Variants in PARP1 observed in about 807,000 individuals in gnomAD.
The protein encoded by PARP1 is poly(ADP-ribose) polymerase 1.
Under a neutral mutation model 118.7 loss-of-function variants are expected in PARP1, and 44 were observed. That is an observed-to-expected ratio of 0.37 (90% CI 0.29 to 0.48). The LOEUF is 0.48. Among genes scored for constraint, PARP1 ranks in the 20% least tolerant of loss-of-function variants. The pLI is 0.99. For missense variants in PARP1, 1,100 were observed against 1,272.4 expected, an observed-to-expected ratio of 0.86 and a Z score of 2.06; for synonymous variants, 492 against 483.2, an observed-to-expected ratio of 1.02 and a Z score of -0.24.
intron 1 of PARP1, 48 bp downstream of exon 1, chr1:226,407,750 CGGACACAGTTAA>C: frequency 6.5e-7 from 1 of 1,531,176 alleles, no homozygotes; most frequent in Non-Finnish European, 8.8e-7. Context: ...CCAGCCTTCC[CGGACACAGTTAA>C]CCCGGGGCGC....
At chr1:226,400,273 T>A (rs571995144) in intron 2 of PARP1, among the ~76,000 whole-genome samples, 1 of 152,160 alleles carries the variant, frequency 6.6e-6, no homozygotes, top group East Asian at 1.9e-4. Flanking sequence ...CACTCCAGCC[T>A]GGGCAACAGA....
At chr1:226,367,820 T>C (rs1055975723) in intron 16 of PARP1, among the ~76,000 whole-genome samples, 3 of 151,702 alleles carry the variant, frequency 2.0e-5, no homozygotes, top group African/African-American at 7.3e-5. Flanking sequence ...CCTGGGGGAG[T>C]TGAGAGGTGG....
Position 226,361,432 on chromosome 1 carries a change from C to A in PARP1, c.*28G>T, listed in dbSNP as rs377335474. ...TTCGGGTGAATTCATACCAGAGCCA[C>A]CGGGTGTGACTCGGCTACCTCTCCC... On this transcript the variant is annotated 3_prime_UTR_variant, in exon 23 of 23. Transcript: ENST00000366794. 160 of 1,504,690 alleles carry A rather than the reference C, an allele frequency of 1.1e-4. No homozygotes were observed. Among genetic ancestry groups the A allele is most frequent in the Non-Finnish European group, 1.1e-4 (124 of 1,081,260 alleles). The allele number at this position is 1,504,690 out of a possible 1,614,324, so 93.2% of individuals were successfully genotyped here.
chr1:226,375,560 T>C (rs1156487017), intron 13 of PARP1, among the ~76,000 whole-genome samples: 1 of 152,264 alleles, frequency 6.6e-6, no homozygotes, highest in Middle Eastern at 3.4e-3. Context: ...CAAACTGAGG[T>C]GTGCTGTAGG....
intron 14 of PARP1, 72 bp from the exon 15 acceptor site, chr1:226,370,589 C>T (rs1189729785): frequency 4.0e-6 from 5 of 1,254,998 alleles, no homozygotes; most frequent in African/African-American, 1.5e-5. Context: ...CTGGACCGGG[C>T]AGCCCACCCT....
rs1365223171 is a variant in PARP1 at position 226,368,207 on chromosome 1, T to C, written c.2269A>G (p.Ser757Gly). ...KKPPLLNNAD[S>G]VQAKVEMLDN... ...CTGAACCCTTGCGCTACCTGCACAC[T>C]GTCTGCATTGTTCAGGAGCGGAGGC... The change falls in exon 16 of 23, where the codon AGT becomes GGT. Residue 757 changes from serine to glycine, a missense_variant. Coordinates refer to ENST00000366794, the MANE Select transcript of PARP1 (RefSeq NM_001618.4). The C allele has an allele frequency of 1.2e-6, 2 of 1,614,200 alleles. No individual in the cohort carries two copies. The highest frequency in any genetic ancestry group is 1.7e-5 in the Admixed American group (1 of 60,032).
At chr1:226,364,678 C>T (rs1664216754) in intron 19 of PARP1, among the ~76,000 whole-genome samples, 1 of 152,240 alleles carries the variant, frequency 6.6e-6, no homozygotes, top group African/African-American at 2.4e-5. Context: ...AAGACACTGA[C>T]ACTCAGAGGT....
At chr1:226,401,403 T>G (rs1665033532) in intron 2 of PARP1, among the ~76,000 whole-genome samples, 1 of 152,232 alleles carries the variant, frequency 6.6e-6, no homozygotes, top group Non-Finnish European at 1.5e-5. Flanking sequence ...GAAGTCATAT[T>G]TACACCCACT....
chr1:226,407,996 G>A lies in PARP1; in HGVS notation c.-67C>T, dbSNP rs1665187184. 1 of 1,601,492 alleles carries A rather than the reference G, an allele frequency of 6.2e-7. No individual in the cohort carries two copies. On this transcript the variant is annotated 5_prime_UTR_variant, in exon 1 of 23. Transcript: ENST00000366794. ...CGACCTAGAAACACGCTGCCGCCTC[G>A]CCGCCTCGCGTGCGCTCACCCAGCC...
rs12133133 is a variant in PARP1 at position 226,395,752 on chromosome 1, A to G, written c.287-3438T>C. 3.4e-3 allele frequency among the ~76,000 whole-genome samples: 518 copies of G among 152,370 alleles called. 1 individual carries two copies. The highest frequency in any genetic ancestry group is 5.6e-3 in the Non-Finnish European group (378 of 68,042). On this transcript the variant is annotated intron_variant, in intron 2 of 22. Coordinates refer to ENST00000366794, the MANE Select transcript of PARP1 (RefSeq NM_001618.4). ...AATTAATGTTTATTATGTCTTTAAA[A>G]AGAAGGAAATTCAGACACATGCTGC...
chr1:226,397,131 C>A lies in PARP1; in HGVS notation c.287-4817G>T, dbSNP rs142409440. On this transcript the variant is annotated intron_variant, in intron 2 of 22. Coordinates refer to ENST00000366794, the MANE Select transcript of PARP1 (RefSeq NM_001618.4). ...GCCAAGCAAGATCCCTTGGGCAACA[C>A]AGTGAGACTCTGTCTCTATCTTAAA... Among the ~76,000 whole-genome samples the A allele has an allele frequency of 7.4e-3, 984 of 133,792 alleles. 14 individuals are homozygous for A. The highest frequency in any genetic ancestry group is 0.027 in the African/African-American group (935 of 35,180). 87.8% of individuals were successfully genotyped at this position (133,792 alleles called of 152,430 possible).
chr1:226,368,466 CAG>C, intron 15 of PARP1, 145 bp from the exon 16 acceptor site: 1 of 989,412 alleles, frequency 1.0e-6, no homozygotes, highest in Non-Finnish European at 1.6e-6. Flanking sequence ...GGGAAACGAC[CAG>C]AAGACCATCT....
intron 2 of PARP1, among the ~76,000 whole-genome samples, chr1:226,399,492 G>T (rs891197705): frequency 2.6e-5 from 4 of 152,180 alleles, no homozygotes; most frequent in African/African-American, 9.7e-5. Context: ...AAAGCAAAAA[G>T]ATCAGTGGTT....
chr1:226,388,394 C>T (rs1255493182), intron 5 of PARP1, among the ~76,000 whole-genome samples: 1 of 152,166 alleles, frequency 6.6e-6, no homozygotes, highest in Non-Finnish European at 1.5e-5. Context: ...GGCTGGTGAG[C>T]GGAAACAGAG....
In PARP1 at chr1:226,390,410, C is replaced by A; in HGVS notation, c.617G>T (p.Gly206Val). ...GGCAACCCCGCAGTGCTCCACCCACCCTTCACTCTTGACTCCTGGGAGCTG... is the reference window on the plus strand; with the variant it reads ...GGCAACCCCGCAGTGCTCCACCCACACTTCACTCTTGACTCCTGGGAGCTG... ...KKQLPGVKSE[G>V]KRKGDEVDGV... Residue 206 changes from glycine (G) to valine (V), a missense_variant and splice_region_variant, in exon 4 of 23, where the codon GGA (glycine) becomes GTA (valine). By Grantham distance (109) the Gly-to-Val change is moderately radical (BLOSUM62 -3). This residue lies in a region of PARP1 where 948 missense variants were observed against 1,031.8 expected (regional missense o/e 0.92). Transcript: ENST00000366794. 6 of 1,613,350 alleles carry A rather than the reference C, an allele frequency of 3.7e-6. No individual in the cohort carries two copies. Among genetic ancestry groups the A allele is most frequent in the Non-Finnish European group, 5.1e-6 (6 of 1,179,948 alleles).
At chr1:226,379,365 C>T (rs1270179142) in intron 11 of PARP1, 91 bp from the exon 12 acceptor site, 1 of 1,520,378 alleles carries the variant, frequency 6.6e-7, no homozygotes, top group East Asian at 2.3e-5. Context: ...GAGGTTCACG[C>T]CTCTTGGATA....
intron 12 of PARP1, among the ~76,000 whole-genome samples, chr1:226,378,818 G>C (rs1444014451): frequency 6.6e-6 from 1 of 152,208 alleles, no homozygotes; most frequent in Non-Finnish European, 1.5e-5. Flanking sequence ...CTGGGTAACA[G>C]AGCGAGACTA....
At chr1:226,392,984 G>T (rs1558241326) in intron 2 of PARP1, 15 of 1,548,700 alleles carry the variant, frequency 9.7e-6, no homozygotes, top group Non-Finnish European at 1.3e-5. Flanking sequence ...GGAGGTTCTA[G>T]TAAGTGCATT....
chr1:226,392,148 T>C (rs777812754), intron 3 of PARP1, 51 bp downstream of exon 3: 12 of 1,195,922 alleles, frequency 1.0e-5, no homozygotes, highest in Middle Eastern at 1.9e-4. Flanking sequence ...GCCAATAACA[T>C]CATTGCAAGC....
Sources: allele counts gnomAD v4.1 joint callset (sites outside exome capture counted in the v4.1 genomes callset), GRCh38; gene constraint gnomAD v4.1.1; regional missense constraint gnomAD v4.1.1; transcripts MANE v1.5; gene names NCBI Gene and HGNC (gene_info 2026-07-23, HGNC 2026-07-21).